The following SOX5 variants were observed in gnomAD, a reference collection of about 807,000 sequenced individuals.
SOX5 encodes the protein transcription factor SOX-5.
A neutral mutation model predicts 92.0 loss-of-function variants in SOX5; 9 were observed. The ratio of observed to expected loss-of-function variants is 0.10; its 90% confidence interval spans 0.06 to 0.17. The LOEUF is 0.17. SOX5 is among the 10% of genes least tolerant of loss of function. The pLI, the probability that SOX5 is intolerant of heterozygous loss-of-function variation, is 1.00. For synonymous variants in SOX5, 344 were observed against 336.3 expected (o/e 1.02, Z -0.25); for missense variants, 642 against 944.5 (o/e 0.68, Z 4.20).
intron 3 of SOX5, among the ~76,000 whole-genome samples, chr12:24,248,192 G>A (rs1391163650): frequency 1.3e-5 from 2 of 152,122 alleles, no homozygotes; most frequent in African/African-American, 4.8e-5. Context: ...CACTGTTGGG[G>A]AATTGAATGG....
intron 1 of SOX5, among the ~76,000 whole-genome samples, chr12:24,416,863 T>C (rs1162406336): frequency 6.6e-6 from 1 of 152,176 alleles, no homozygotes; most frequent in Non-Finnish European, 1.5e-5. Context: ...GATCTGTCAA[T>C]TTGAATTAAT....
intron 2 of SOX5, among the ~76,000 whole-genome samples, chr12:24,277,997 T>C: frequency 6.6e-6 from 1 of 152,154 alleles, no homozygotes; most frequent in Non-Finnish European, 1.5e-5. Context: ...CCAATTTTCC[T>C]AGGCTGAACA....
intron 3 of SOX5, among the ~76,000 whole-genome samples, chr12:23,759,079 A>G (rs1372304724): frequency 6.7e-6 from 1 of 150,096 alleles, no homozygotes; most frequent in Admixed American, 6.7e-5. Flanking sequence ...TCCCTCATTT[A>G]ATCTACAAAA....
intron 1 of SOX5, among the ~76,000 whole-genome samples, chr12:24,435,494 G>A (rs544753978): frequency 1.3e-5 from 2 of 152,232 alleles, no homozygotes; most frequent in East Asian, 3.9e-4. Flanking sequence ...CTGCACAAAG[G>A]AAATCTCTTT....
rs374339773 is a variant in SOX5, at chr12:23,586,260, T to A, written c.1165-10422A>T. 3.9e-5 allele frequency among the ~76,000 whole-genome samples: 6 copies of A among 152,272 alleles called. No individual in the cohort carries two copies. In the East Asian group the frequency reaches 9.7e-4, roughly 25 times the overall value. On this transcript the variant is annotated intron_variant, in intron 9 of 14. Coordinates refer to ENST00000451604, the MANE Select transcript of SOX5 (RefSeq NM_006940.6). Reference sequence around the variant, plus strand: ...ACACAAAATTAGAACAGTTGTGCCATCTACCCCTGTCTCTTGTTTTTCCCC... The same window carrying A: ...ACACAAAATTAGAACAGTTGTGCCAACTACCCCTGTCTCTTGTTTTTCCCC...
chr12:24,245,440 T>G (rs1938495396), intron 3 of SOX5, among the ~76,000 whole-genome samples: 1 of 152,264 alleles, frequency 6.6e-6, no homozygotes, highest in East Asian at 1.9e-4. Flanking sequence ...TTTAAAAAAC[T>G]TATAAACTGG....
intron 6 of SOX5, among the ~76,000 whole-genome samples, chr12:23,716,776 A>T (rs1230552565): frequency 6.6e-6 from 1 of 152,224 alleles, no homozygotes; most frequent in Non-Finnish European, 1.5e-5. Context: ...GAGGCTGAGA[A>T]TCAATGACAT....
intron 7 of SOX5, 131 bp downstream of exon 7, chr12:23,665,313 T>A (rs779197734): frequency 2.6e-5 from 25 of 979,858 alleles, no homozygotes; most frequent in Non-Finnish European, 3.7e-5. Context: ...CCACACATTC[T>A]GTGTGTTTCC....
At chr12:24,262,926 T>G (rs761835806) in intron 3 of SOX5, among the ~76,000 whole-genome samples, 15 of 152,060 alleles carry the variant, frequency 9.9e-5, no homozygotes, top group Non-Finnish European at 2.2e-4. Context: ...AAATGTCTTA[T>G]AAGGAAATTA....
intron 13 of SOX5, among the ~76,000 whole-genome samples, chr12:23,540,184 T>C (rs1476976346): frequency 6.6e-6 from 1 of 151,694 alleles, no homozygotes; most frequent in Non-Finnish European, 1.5e-5. Flanking sequence ...GTTTATTCAT[T>C]CCCTGCTGCT....
intron 4 of SOX5, among the ~76,000 whole-genome samples, chr12:24,099,267 T>TTTTA (rs1945793050): frequency 6.6e-6 from 1 of 152,112 alleles, no homozygotes; most frequent in Non-Finnish European, 1.5e-5. Context: ...TTTGTGGGTG[T>TTTTA]TTTAGGCCGG....
At chr12:24,375,272 A>G (rs1262270070) in intron 1 of SOX5, among the ~76,000 whole-genome samples, 6 of 151,558 alleles carry the variant, frequency 4.0e-5, no homozygotes, top group Non-Finnish European at 7.4e-5. Context: ...CGTGCCCTGC[A>G]AGAGTGGTGT....
At chr12:24,342,058 T>A (rs925624072) in intron 2 of SOX5, among the ~76,000 whole-genome samples, 8 of 152,214 alleles carry the variant, frequency 5.3e-5, no homozygotes, top group African/African-American at 9.6e-5. Context: ...TACAATTAGC[T>A]TAAAATCAGG....
At chr12:24,112,994 C>A (rs1033630275) in intron 4 of SOX5, among the ~76,000 whole-genome samples, 3 of 151,852 alleles carry the variant, frequency 2.0e-5, no homozygotes, top group Non-Finnish European at 4.4e-5. Context: ...TGGTTCCCAA[C>A]CATATCAGAC....
chr12:23,766,711 CA>C (rs2094739559), intron 3 of SOX5, among the ~76,000 whole-genome samples: 1 of 151,904 alleles, frequency 6.6e-6, no homozygotes, highest in African/African-American at 2.4e-5. Flanking sequence ...ATATTATCAA[CA>C]AAAAATCCAA....
intron 4 of SOX5, among the ~76,000 whole-genome samples, chr12:24,117,031 G>A (rs992215436): frequency 1.2e-4 from 18 of 147,838 alleles, no homozygotes; most frequent in African/African-American, 1.7e-4. Context: ...GACCGCCCAC[G>A]AGTTGAGAGA....
intron 3 of SOX5, among the ~76,000 whole-genome samples, chr12:24,245,242 T>C (rs1361163138): frequency 5.2e-5 from 7 of 134,272 alleles, no homozygotes; most frequent in African/African-American, 1.6e-4. Flanking sequence ...GATTTGTGTG[T>C]GTGTGTGTGT....
At chr12:23,828,194 C>G (rs1337002333) in intron 3 of SOX5, among the ~76,000 whole-genome samples, 2 of 152,128 alleles carry the variant, frequency 1.3e-5, no homozygotes, top group Admixed American at 1.3e-4. Flanking sequence ...GGCTTGGAGC[C>G]TAGGGGCGAT....
In SOX5 at chr12:23,845,149, G is replaced by A. The variant is rs115243561; in HGVS notation, c.481+834C>T. Among the ~76,000 whole-genome samples the A allele has an allele frequency of 4.1e-3, 625 of 152,268 alleles. 4 individuals are homozygous for A. The highest frequency in any genetic ancestry group is 0.014 in the African/African-American group (597 of 41,542). On this transcript the variant is annotated intron_variant, in intron 3 of 14. Coordinates refer to ENST00000451604, the MANE Select transcript of SOX5 (RefSeq NM_006940.6). ...CAACTTATTGTTACACGGTATACAC[G>A]CAGTGTATTTTTGTTATAAAGTATG...
Sources: allele counts gnomAD v4.1 joint callset (sites outside exome capture counted in the v4.1 genomes callset), GRCh38; gene constraint gnomAD v4.1.1; transcripts MANE v1.5; gene names NCBI Gene and HGNC (gene_info 2026-07-23, HGNC 2026-07-21).